Variants in PP2D1 observed in about 807,000 individuals in gnomAD.
PP2D1 encodes the protein protein phosphatase 2C like domain containing 1, also known as protein phosphatase 2C-like domain-containing protein 1.
A neutral mutation model predicts 30.2 loss-of-function variants in PP2D1; 25 were observed. That is an observed-to-expected ratio of 0.83 (90% confidence interval 0.60 to 1.16). The LOEUF (loss-of-function observed/expected upper bound fraction) is 1.16, where lower values mean the gene tolerates loss of function less well. PP2D1 is among the 50% of genes most tolerant of loss of function. The probability of loss-of-function intolerance (pLI) is 0.00; values close to 1 mark genes in which losing one functional copy is unlikely to be tolerated. For synonymous variants in PP2D1, 260 were observed against 258.9 expected (o/e 1.00, Z -0.04); for missense variants, 760 against 742.4 (o/e 1.02, Z -0.28).
At chr3:19,996,559 G>T (rs1697182497) in intron 2 of PP2D1, among the ~76,000 whole-genome samples, 1 of 152,078 alleles carries the variant, frequency 6.6e-6, no homozygotes, top group African/African-American at 2.4e-5. Flanking sequence ...TGAAGAGGAA[G>T]GAATTCTTTT....
chr3:19,985,049 CTATT>C (rs1697006597), downstream of PP2D1: 1 of 220,556 alleles, frequency 4.5e-6, no homozygotes, highest in East Asian at 1.2e-4. Flanking sequence ...ATGATTTAAT[CTATT>C]TAAGTGTTGG....
At position 20,001,376 on chromosome 3, in the gene PP2D1, G is replaced by A. The variant is rs755268420; in HGVS notation, c.744C>T (p.Ile248=). ...YQMTTDEQQI[I]NSFYTVFREE... Reference sequence around the variant, plus strand: ...CTCTAAACACAGTGTAAAAGGAATTGATTATTTGTTGCTCATCAGTTGTCA... The same window carrying A: ...CTCTAAACACAGTGTAAAAGGAATTAATTATTTGTTGCTCATCAGTTGTCA... Residue 248 remains isoleucine, a synonymous_variant, in exon 2 of 3, where the codon ATC becomes ATT. Transcript: ENST00000389050. 1 of 1,536,498 alleles carries A rather than the reference G, an allele frequency of 6.5e-7. No homozygotes were observed. Among genetic ancestry groups the A allele is most frequent in the South Asian group, 1.2e-5 (1 of 84,040 alleles).
downstream of PP2D1, chr3:19,983,857 G>T: frequency 7.2e-7 from 1 of 1,389,368 alleles, no homozygotes; most frequent in Non-Finnish European, 1.0e-6. Context: ...ATAGTCTTCT[G>T]CTTCCTAAAT....
intron 1 of PP2D1, among the ~76,000 whole-genome samples, chr3:20,008,709 C>T (rs796683180): frequency 1.4e-4 from 21 of 152,222 alleles, no homozygotes; most frequent in African/African-American, 4.8e-4. Flanking sequence ...TGTGATCACG[C>T]CACTGTACTC....
At position 20,001,577 on chromosome 3, in the gene PP2D1, C is replaced by G. The variant is rs745851976; in HGVS notation, c.543G>C (p.Trp181Cys). 1.3e-6 allele frequency: 2 copies of G among 1,536,302 alleles called. No homozygotes were observed. The highest frequency in any genetic ancestry group is 1.2e-5 in the South Asian group (1 of 84,060). Residue 181 changes from tryptophan (W) to cysteine (C), a missense_variant, in exon 2 of 3, where the codon TGG (tryptophan) becomes TGC (cysteine). Around this residue, in one of 3 missense-constraint regions of PP2D1, gnomAD observed 374 missense variants for 388.8 expected, o/e 0.96. Transcript: ENST00000389050. ...TGAATTTATCATTCATGTCAGCTTT[C>G]CATGTAGAATTCCTGTCTTCACAAA... ...VGICEDRNST[W>C]KADMNDKFTV...
intron 1 of PP2D1, among the ~76,000 whole-genome samples, chr3:20,011,442 C>G (rs1697384867): frequency 6.6e-6 from 1 of 152,076 alleles, no homozygotes; most frequent in African/African-American, 2.4e-5. Context: ...TAATACAGCT[C>G]TATCACACGT....
chr3:19,985,022 G>A (rs1697005972), downstream of PP2D1: 1 of 197,592 alleles, frequency 5.1e-6, no homozygotes, highest in South Asian at 1.2e-4. Flanking sequence ...TTATATGAAA[G>A]CTACCATGTG....
chr3:19,981,509 G>A (rs1250942132), downstream of PP2D1, among the ~76,000 whole-genome samples: 7 of 152,050 alleles, frequency 4.6e-5, no homozygotes, highest in Non-Finnish European at 4.4e-5. Flanking sequence ...AGCTACTTGG[G>A]AGGCTGAGGC....
chr3:20,006,800 G>A (rs911218012), intron 1 of PP2D1, among the ~76,000 whole-genome samples: 15 of 151,510 alleles, frequency 9.9e-5, no homozygotes, highest in Middle Eastern at 3.4e-3. Flanking sequence ...TATTTGAGAC[G>A]GAGTCTTGCT....
In PP2D1 at chr3:19,986,245, C is replaced by A. The variant is rs539812330; in HGVS notation, c.1091-63G>T. ...TAGAGATAACCAATTGTATCAAAAT[C>A]TACTGCTAACTTTAGTAAATTCTGT... On this transcript the variant is annotated intron_variant, in intron 2 of 2. Coordinates refer to ENST00000389050, the MANE Select transcript of PP2D1 (RefSeq NM_001252657.2). 8.4e-5 allele frequency: 99 copies of A among 1,178,196 alleles called. 1 individual carries two copies. Among genetic ancestry groups the A allele is most frequent in the Non-Finnish European group, 6.0e-5 (52 of 872,752 alleles). 73.0% of individuals were successfully genotyped at this position (1,178,196 alleles called of 1,614,324 possible).
At chr3:20,004,471 A>C (rs765986167) in intron 1 of PP2D1, among the ~76,000 whole-genome samples, 3 of 152,198 alleles carry the variant, frequency 2.0e-5, no homozygotes, top group Non-Finnish European at 4.4e-5. Context: ...CTTGTGTTCT[A>C]ATTAGAGAGT....
At chr3:19,984,734 G>A (rs1162538261), downstream of PP2D1, 2 of 153,390 alleles carry the variant, frequency 1.3e-5, no homozygotes, top group Non-Finnish European at 2.9e-5. Flanking sequence ...CTGCATTGTA[G>A]TCTCCATATC....
At chr3:19,994,613 A>G (rs1559497694) in intron 2 of PP2D1, among the ~76,000 whole-genome samples, 1 of 152,214 alleles carries the variant, frequency 6.6e-6, no homozygotes. Flanking sequence ...CTCTCAAATA[A>G]TTCCCCTAAA....
At chr3:19,985,128 G>A, downstream of PP2D1, 1 of 377,006 alleles carries the variant, frequency 2.7e-6, no homozygotes, top group Non-Finnish European at 4.7e-6. Flanking sequence ...CCAGTGTTTA[G>A]TTTTATATTG....
downstream of PP2D1, chr3:19,985,222 A>ATAT (rs1697010090): frequency 1.7e-6 from 1 of 587,668 alleles, no homozygotes; most frequent in South Asian, 2.7e-5. Flanking sequence ...AACAGTGAAT[A>ATAT]TATATAAATG....
chr3:19,994,933 ACTC>A (rs1697158690), intron 2 of PP2D1, among the ~76,000 whole-genome samples: 3 of 152,168 alleles, frequency 2.0e-5, no homozygotes, highest in Non-Finnish European at 1.5e-5. Flanking sequence ...ATTGCTGAGG[ACTC>A]ATAGGGCTGG....
At position 20,001,991 on chromosome 3, in the gene PP2D1, T is replaced by G; in HGVS notation, c.129A>C (p.Ser43=). The change falls in exon 2 of 3, where the codon TCA becomes TCC. Residue 43 remains serine, a synonymous_variant. Transcript: ENST00000389050. ...GGCGTTTGGTGTGTCTCACTGGTCT[T>G]GACTTTTTCTTTCTAAAACGTTTTC... ...PKRKRFRKKK[S]RPVRHTKRHE... 7 of 1,536,176 alleles carry G rather than the reference T, an allele frequency of 4.6e-6. No homozygotes were observed. Among genetic ancestry groups the G allele is most frequent in the Non-Finnish European group, 6.1e-6 (7 of 1,146,844 alleles).
intron 1 of PP2D1, among the ~76,000 whole-genome samples, chr3:20,002,774 G>A (rs1697271608): frequency 6.6e-6 from 1 of 151,732 alleles, no homozygotes; most frequent in African/African-American, 2.4e-5. Flanking sequence ...ACAAAAACTA[G>A]TTCGGGCGCG....
Position 20,001,747 on chromosome 3 carries a change from C to A in PP2D1, c.373G>T (p.Glu125Ter). 1.3e-6 allele frequency: 2 copies of A among 1,530,198 alleles called. No homozygotes were observed. Among genetic ancestry groups the A allele is most frequent in the East Asian group, 4.9e-5 (2 of 40,894 alleles). The allele number at this position is 1,530,198 out of a possible 1,614,324, so 94.8% of individuals were successfully genotyped here. The change falls in exon 2 of 3, where the codon GAA (glutamate) becomes TAA (stop). Residue 125 changes from glutamate (E) to a stop codon, truncating the protein, a stop_gained. Coordinates refer to ENST00000389050, the MANE Select transcript of PP2D1 (RefSeq NM_001252657.2). LOFTEE classifies it high-confidence loss of function. ...TTATTAATGCTCTGTAGGGTTTTTT[C>A]AGTGAACATAAAAGATGACAATAGT... is the stretch of plus-strand genomic sequence containing the variant. The part of the protein sequence containing the change: ...SKLLSSFMFT[E>*]KTLQSINNAF...
Sources: allele counts gnomAD v4.1 joint callset (sites outside exome capture counted in the v4.1 genomes callset), GRCh38; gene constraint gnomAD v4.1.1; regional missense constraint gnomAD v4.1.1; transcripts MANE v1.5; gene names NCBI Gene and HGNC (gene_info 2026-07-23, HGNC 2026-07-21).